Variants in AK9 observed in about 807,000 individuals in gnomAD.
AK9 encodes adenylate kinase 9.
Under a neutral mutation model 239.6 loss-of-function variants are expected in AK9, and 191 were observed. The ratio of observed to expected loss-of-function variants is 0.80; its 90% CI spans 0.71 to 0.90. The LOEUF (loss-of-function observed/expected upper bound fraction) is 0.90, where lower values mean the gene tolerates loss of function less well. Ranked by LOEUF, AK9 falls within the 40% of genes least tolerant of loss-of-function variation. AK9 has a pLI of 0.00. For missense variants in AK9, 1,995 were observed against 2,214.7 expected (o/e 0.90, Z 1.99); for synonymous variants, 689 against 721.0 (o/e 0.96, Z 0.71).
intron 21 of AK9, among the ~76,000 whole-genome samples, chr6:109,570,229 A>G (rs543243285): frequency 1.3e-5 from 2 of 151,842 alleles, no homozygotes; most frequent in East Asian, 3.9e-4. Flanking sequence ...AAATTGAACA[A>G]TGAGAACACT....
chr6:109,549,988 A>T (rs1488474837), intron 25 of AK9, 102 bp downstream of exon 25: 3 of 1,248,778 alleles, frequency 2.4e-6, no homozygotes, highest in Non-Finnish European at 3.3e-6. Flanking sequence ...ATATTGTAAT[A>T]TCAGATTGGG....
chr6:109,570,603 A>G (rs991475610), intron 21 of AK9, among the ~76,000 whole-genome samples: 1 of 152,122 alleles, frequency 6.6e-6, no homozygotes, highest in Non-Finnish European at 1.5e-5. Context: ...ATTAGGAGAG[A>G]GGCAATAAGG....
chr6:109,624,629 A>G (rs1436772595), intron 12 of AK9, among the ~76,000 whole-genome samples: 1 of 152,162 alleles, frequency 6.6e-6, no homozygotes, highest in East Asian at 1.9e-4. Flanking sequence ...CTCATTTTAC[A>G]GAAGCTTCTG....
chr6:109,616,724 C>A (rs931401134), intron 13 of AK9, among the ~76,000 whole-genome samples: 3 of 152,006 alleles, frequency 2.0e-5, no homozygotes, highest in Admixed American at 1.3e-4. Context: ...TACTTAATAA[C>A]CTGATGGAGA....
At chr6:109,577,390 T>C (rs1299227983) in intron 20 of AK9, among the ~76,000 whole-genome samples, 2 of 151,984 alleles carry the variant, frequency 1.3e-5, no homozygotes, top group Admixed American at 6.6e-5. Flanking sequence ...ATTTAGTTAG[T>C]ATTTTGTTGA....
chr6:109,646,742 T>C (rs991473716), intron 8 of AK9, among the ~76,000 whole-genome samples: 1 of 152,060 alleles, frequency 6.6e-6, no homozygotes, highest in African/African-American at 2.4e-5. Flanking sequence ...CAGAGAACGC[T>C]ACAAAGATAC....
Position 109,634,420 on chromosome 6 carries a change from C to T in AK9, c.934-1097G>A, listed in dbSNP as rs143627156. 1.1e-4 allele frequency among the ~76,000 whole-genome samples: 16 copies of T among 152,226 alleles called. No homozygotes were observed. The East Asian group carries it at 1.9e-3, about 18-fold the overall frequency. ...TTTTCTTTATAAATTACCTAGTCTG[C>T]GGTATTCTGCTATAGCAAAAGAAAA... is the stretch of plus-strand genomic sequence containing the variant. On this transcript the variant is annotated intron_variant, in intron 10 of 40. Transcript: ENST00000424296.
At chr6:109,682,426 CA>C (rs57215335) in intron 1 of AK9, among the ~76,000 whole-genome samples, 3,233 of 68,532 alleles carry the variant, frequency 0.047, 92 homozygotes, top group East Asian at 0.18. Flanking sequence ...GACTCCGTCT[CA>C]AAAAAAAAAA....
At position 109,533,455 on chromosome 6, in the gene AK9, T is replaced by C; in HGVS notation, c.3366A>G (p.Ile1122Met). 1.3e-6 allele frequency: 2 copies of C among 1,584,738 alleles called. No homozygotes were observed. Among genetic ancestry groups the C allele is most frequent in the Non-Finnish European group, 8.5e-7 (1 of 1,170,200 alleles). ...LKEPIRSTGFILDGFPRYPEE... is the reference protein window; with the variant it reads ...LKEPIRSTGFMLDGFPRYPEE... ...CTGGATATCGTGGGAAACCATCTAA[T>C]ATAAAACCTGTGGAACTGGTGGAAA... Residue 1122 changes from isoleucine to methionine, a missense_variant, in exon 28 of 41, where the codon ATA becomes ATG. Coordinates refer to ENST00000424296, the MANE Select transcript of AK9 (RefSeq NM_001145128.3).
chr6:109,563,587 A>AG lies in AK9; in HGVS notation c.2751+9dup. ...ACAAATGAGAATGAGTAGAAATAAA[A>AG]GAATCATGCCTCTTCCTCTTCCTCT... On this transcript the variant is annotated intron_variant, in intron 24 of 40. Transcript: ENST00000424296. 5 of 1,549,458 alleles carry AG rather than the reference A, an allele frequency of 3.2e-6. No homozygotes were observed. The highest frequency in any genetic ancestry group is 4.4e-6 in the Non-Finnish European group (5 of 1,146,666).
intron 33 of AK9, among the ~76,000 whole-genome samples, chr6:109,507,437 C>T (rs1447814270): frequency 6.6e-6 from 1 of 151,962 alleles, no homozygotes; most frequent in Admixed American, 6.5e-5. Context: ...GTGAGAGTGG[C>T]CCTATAATAT....
chr6:109,652,153 C>T (rs966302999), intron 8 of AK9, among the ~76,000 whole-genome samples: 2 of 152,168 alleles, frequency 1.3e-5, no homozygotes, highest in African/African-American at 2.4e-5. Flanking sequence ...CAAAAATCCT[C>T]AATAAAATAC....
At chr6:109,625,372 C>A (rs776896671) in intron 12 of AK9, among the ~76,000 whole-genome samples, 1 of 152,154 alleles carries the variant, frequency 6.6e-6, no homozygotes, top group Non-Finnish European at 1.5e-5. Context: ...AGTTGGCTGT[C>A]ATTTGTATCA....
At chr6:109,659,526 T>C in intron 6 of AK9, 113 bp from the exon 7 acceptor site, 5 of 1,307,870 alleles carry the variant, frequency 3.8e-6, no homozygotes, top group South Asian at 3.3e-5. Context: ...CTTTAAAACC[T>C]GAGCAAATGC....
chr6:109,559,901 A>G (rs1583006394), intron 24 of AK9, among the ~76,000 whole-genome samples: 1 of 152,130 alleles, frequency 6.6e-6, no homozygotes, highest in Non-Finnish European at 1.5e-5. Context: ...TTCTTTCTGG[A>G]GGCCTCAGGA....
chr6:109,500,034 TACACACACACACACACAC>T (rs36086518), intron 35 of AK9, among the ~76,000 whole-genome samples: 1 of 141,464 alleles, frequency 7.1e-6, no homozygotes, highest in South Asian at 2.4e-4. Context: ...ATATATATGA[TACACACACACACACACAC>T]ACACACACAC....
chr6:109,656,910 A>G (rs1421748733), intron 7 of AK9, 26 bp from the exon 8 acceptor site: 2 of 1,610,342 alleles, frequency 1.2e-6, no homozygotes, highest in East Asian at 2.2e-5. Flanking sequence ...GAGATTTCAA[A>G]TATCTTTAGG....
intron 10 of AK9, among the ~76,000 whole-genome samples, chr6:109,640,459 AT>A (rs907673410): frequency 6.6e-6 from 1 of 152,126 alleles, no homozygotes; most frequent in Non-Finnish European, 1.5e-5. Context: ...ACCAGTCCCA[AT>A]GAGATGAACC....
Position 109,545,805 on chromosome 6 carries a change from A to C in AK9, c.3225+62T>G. ...GTGACAGATGGAGACCCTGTCTCAA[A>C]AACAACAACAATAACAACAGCAAAA... On this transcript the variant is annotated intron_variant, in intron 26 of 40. Coordinates refer to ENST00000424296, the MANE Select transcript of AK9 (RefSeq NM_001145128.3). 3 of 1,530,842 alleles carry C rather than the reference A, an allele frequency of 2.0e-6. No homozygotes were observed. In the South Asian group the frequency reaches 4.0e-5, roughly 20 times the overall value. 94.8% of individuals were successfully genotyped at this position (1,530,842 alleles called of 1,614,324 possible).
Sources: gnomAD v4.1 joint callset for allele counts (sites outside exome capture counted in the v4.1 genomes callset) on GRCh38, gnomAD v4.1.1 for gene constraint, MANE v1.5 for transcripts, NCBI Gene and HGNC (gene_info 2026-07-23, HGNC 2026-07-21) for gene names.